The following CNTN2 variants were observed in gnomAD, a reference collection of about 807,000 sequenced individuals.
CNTN2 encodes contactin 2.
Under a neutral mutation model 117.5 loss-of-function variants are expected in CNTN2, and 53 were observed. That is an observed-to-expected ratio of 0.45 (90% CI 0.36 to 0.57). CNTN2 has a LOEUF of 0.57. Among genes scored for constraint, CNTN2 ranks in the 20% least tolerant of loss-of-function variants. The pLI, the probability that CNTN2 is intolerant of heterozygous loss-of-function variation, is 0.00. For synonymous variants in CNTN2, 530 were observed against 561.7 expected, an observed-to-expected ratio of 0.94 and a Z score of 0.80; for missense variants, 1,106 against 1,404.3, an observed-to-expected ratio of 0.79 and a Z score of 3.39.
rs780376425 is a variant in CNTN2, at chr1:205,065,840, G to A, written c.1747G>A (p.Gly583Arg). 6.2e-7 allele frequency: 1 copy of A among 1,614,058 alleles called. No individual in the cohort carries two copies. Among genetic ancestry groups the A allele is most frequent in the Non-Finnish European group, 8.5e-7 (1 of 1,180,010 alleles). Residue 583 changes from glycine to arginine, a missense_variant, in exon 14 of 23, where the codon GGG becomes AGG. Gly to Arg is a moderately radical substitution (Grantham distance 125, BLOSUM62 -2). Coordinates refer to ENST00000331830, the MANE Select transcript of CNTN2 (RefSeq NM_005076.5). This position sits in a 1 kb window ranked among gnomAD's most constrained non-coding sequence, Gnocchi z 4.1. Reference sequence around the variant, plus strand: ...CCTGAACGCCCAGCTGCGCCATGGGGGGAAGTACACGTGCATGGCCCAGAC... The same window carrying A: ...CCTGAACGCCCAGCTGCGCCATGGGAGGAAGTACACGTGCATGGCCCAGAC... ...TILNAQLRHG[G>R]KYTCMAQTVV...
In CNTN2 at chr1:205,059,506, A is replaced by G; in HGVS notation, c.698-77A>G. ...CTGCCTAGACAGAGTTGGCTCTGAA[A>G]GGTGCTGAGATCCCATGCACGGGAG... On this transcript the variant is annotated intron_variant, in intron 6 of 22. Transcript: ENST00000331830. The surrounding 1 kb of genome is among the most constrained non-coding windows in gnomAD (Gnocchi z 5.6). 1.4e-6 allele frequency: 2 copies of G among 1,402,224 alleles called. No homozygotes were observed. Among genetic ancestry groups the G allele is most frequent in the South Asian group, 1.2e-5 (1 of 85,536 alleles). The allele number at this position is 1,402,224 out of a possible 1,614,324, so 86.9% of individuals were successfully genotyped here.
At position 205,073,600 on chromosome 1, in the gene CNTN2, A is replaced by C; in HGVS notation, c.3014-56A>C. On this transcript the variant is annotated intron_variant, in intron 22 of 22. Transcript: ENST00000331830. This position sits in a 1 kb window ranked among gnomAD's most constrained non-coding sequence, Gnocchi z 6.3. ...TTAGGAAAGGTCTCAATCTTGCCAC[A>C]AGGGTGGGGCTAGGGTAGTCCCAGG... 2 of 1,515,036 alleles carry C rather than the reference A, an allele frequency of 1.3e-6. No individual in the cohort carries two copies. Among genetic ancestry groups the C allele is most frequent in the Non-Finnish European group, 1.8e-6 (2 of 1,101,800 alleles). 93.8% of individuals were successfully genotyped at this position (1,515,036 alleles called of 1,614,324 possible). A position where few individuals can be genotyped will look rare whatever the true frequency, so the allele number is the denominator to read the frequency against.
At chr1:205,053,322 T>C in intron 2 of CNTN2, 67 bp downstream of exon 2, 1 of 1,343,826 alleles carries the variant, frequency 7.4e-7, no homozygotes, top group Non-Finnish European at 1.0e-6. Flanking sequence ...CTTGCTATGA[T>C]TTGGGTGACG....
In CNTN2 at chr1:205,058,463, C is replaced by CACATG; in HGVS notation, c.392-99_392-95dup. 6.5e-7 allele frequency: 1 copy of CACATG among 1,545,752 alleles called. No individual in the cohort carries two copies. Among genetic ancestry groups the CACATG allele is most frequent in the Non-Finnish European group, 8.9e-7 (1 of 1,129,212 alleles). ...CCCTCAAGCCGGGCCTTCCTGACCTCACATGACATGCCTTAGTGAACTGCT... is the reference window on the plus strand; with the variant it reads ...CCCTCAAGCCGGGCCTTCCTGACCTCACATGACATGACATGCCTTAGTGAACTGCT... On this transcript the variant is annotated intron_variant, in intron 4 of 22. Transcript: ENST00000331830. The surrounding 1 kb of genome is among the most constrained non-coding windows in gnomAD (Gnocchi z 4.3).
In CNTN2 at chr1:205,061,185, G is replaced by A. The variant is rs913811974; in HGVS notation, c.798-60G>A. ...TGAGAGTCTGGGTATGAGGAGCTGC[G>A]GGCACTGGAGGGGTAGGCCCAGCTC... is the stretch of plus-strand genomic sequence containing the variant. On this transcript the variant is annotated intron_variant, in intron 7 of 22. Transcript: ENST00000331830. The surrounding 1 kb of genome is among the most constrained non-coding windows in gnomAD (Gnocchi z 4.8). 2.7e-5 allele frequency: 41 copies of A among 1,526,272 alleles called. No individual in the cohort carries two copies. Among genetic ancestry groups the A allele is most frequent in the African/African-American group, 4.1e-5 (3 of 72,642 alleles). 94.5% of individuals were successfully genotyped at this position (1,526,272 alleles called of 1,614,324 possible).
chr1:205,059,767 T>C lies in CNTN2; in HGVS notation c.797+85T>C. ...GGGTGAGGGCAGGCAGAGTCAGGGC[T>C]CTTATCTTGGTGTCCCTCACAGGGT... On this transcript the variant is annotated intron_variant, in intron 7 of 22. Coordinates refer to ENST00000331830, the MANE Select transcript of CNTN2 (RefSeq NM_005076.5). The surrounding 1 kb of genome is among the most constrained non-coding windows in gnomAD (Gnocchi z 5.6). 2 of 1,139,460 alleles carry C rather than the reference T, an allele frequency of 1.8e-6. No individual in the cohort carries two copies. Among genetic ancestry groups the C allele is most frequent in the Non-Finnish European group, 2.6e-6 (2 of 755,058 alleles). The allele number at this position is 1,139,460 out of a possible 1,614,324, so 70.6% of individuals were successfully genotyped here. A position where few individuals can be genotyped will look rare whatever the true frequency, so the allele number is the denominator to read the frequency against.
At position 205,059,456 on chromosome 1, in the gene CNTN2, C is replaced by G; in HGVS notation, c.698-127C>G. ...GCTTCAAATCCTGAGGCCCTTGCCC[C>G]AGGCCTCAAGGAGATTCCACACAGC... On this transcript the variant is annotated intron_variant, in intron 6 of 22. Transcript: ENST00000331830. The surrounding 1 kb of genome is among the most constrained non-coding windows in gnomAD (Gnocchi z 5.6). 1 of 1,193,978 alleles carries G rather than the reference C, an allele frequency of 8.4e-7. No individual in the cohort carries two copies. Among genetic ancestry groups the G allele is most frequent in the Non-Finnish European group, 1.2e-6 (1 of 818,212 alleles). 74.0% of individuals were successfully genotyped at this position (1,193,978 alleles called of 1,614,324 possible).
In CNTN2 at chr1:205,073,255, C is replaced by G. The variant is rs1171662666; in HGVS notation, c.3013+19C>G. ...AATGGAGGTGCTGCTCCTCCCCTAC[C>G]CTTATCCCCTCGAGAGATTCAGGAT... is the stretch of plus-strand genomic sequence containing the variant. On this transcript the variant is annotated intron_variant, in intron 22 of 22. Transcript: ENST00000331830. This position sits in a 1 kb window ranked among gnomAD's most constrained non-coding sequence, Gnocchi z 6.3. 1 of 1,612,020 alleles carries G rather than the reference C, an allele frequency of 6.2e-7. No individual in the cohort carries two copies. Among genetic ancestry groups the G allele is most frequent in the Non-Finnish European group, 8.5e-7 (1 of 1,178,890 alleles).
At chr1:205,045,774 G>A (rs190524297) in intron 1 of CNTN2, among the ~76,000 whole-genome samples, 15 of 152,282 alleles carry the variant, frequency 9.9e-5, no homozygotes, top group Admixed American at 6.5e-4. Context: ...GACTGCAGGA[G>A]ACACTTCCTG....
In CNTN2 at chr1:205,059,151, G is replaced by C. The variant is rs2151190097; in HGVS notation, c.555G>C (p.Val185=). 2 of 1,614,198 alleles carry C rather than the reference G, an allele frequency of 1.2e-6. No individual in the cohort carries two copies. Among genetic ancestry groups the C allele is most frequent in the Non-Finnish European group, 1.7e-6 (2 of 1,180,040 alleles). ...NFIPTDGRHF[V]SQTTGNLYIA... Reference sequence around the variant, plus strand: ...TCCCGACGGACGGGCGTCACTTCGTGTCCCAGACCACAGGGAACCTGTACA... The same window carrying C: ...TCCCGACGGACGGGCGTCACTTCGTCTCCCAGACCACAGGGAACCTGTACA... The change falls in exon 6 of 23, where the codon GTG becomes GTC. Residue 185 remains valine, a synonymous_variant. Transcript: ENST00000331830. This position sits in a 1 kb window ranked among gnomAD's most constrained non-coding sequence, Gnocchi z 5.6.
chr1:205,070,433 G>T lies in CNTN2; in HGVS notation c.2439G>T (p.Arg813Ser). 1 of 1,612,272 alleles carries T rather than the reference G, an allele frequency of 6.2e-7. No homozygotes were observed. Among genetic ancestry groups the T allele is most frequent in the Non-Finnish European group, 8.5e-7 (1 of 1,178,754 alleles). The change falls in exon 19 of 23, where the codon AGG becomes AGT. Residue 813 changes from arginine (R) to serine (S), a missense_variant. Coordinates refer to ENST00000331830, the MANE Select transcript of CNTN2 (RefSeq NM_005076.5). Reference protein sequence around the residue: ...ALVYSAEEEPRVAPTKVWAKG... With the variant: ...ALVYSAEEEPSVAPTKVWAKG... ...TTCTGTATTGGTCCCCAGAGCCCAG[G>T]GTGGCCCCTACCAAGGTGTGGGCCA...
chr1:205,057,861 A>G (rs1653729494), intron 2 of CNTN2, 60 bp from the exon 3 acceptor site: 1 of 1,578,100 alleles, frequency 6.3e-7, no homozygotes, highest in Non-Finnish European at 8.6e-7. Context: ...GCACAGCCCA[A>G]GAGGCCAGGC....
At chr1:205,064,968 G>T in intron 12 of CNTN2, 119 bp from the exon 13 acceptor site, 2 of 1,280,722 alleles carry the variant, frequency 1.6e-6, no homozygotes, top group African/African-American at 1.5e-5. Context: ...GGGACCTGTG[G>T]GTCACACCAC....
intron 10 of CNTN2, among the ~76,000 whole-genome samples, chr1:205,063,919 G>C (rs1214760659): frequency 1.3e-5 from 2 of 152,110 alleles, no homozygotes; most frequent in Non-Finnish European, 2.9e-5. Flanking sequence ...AAAAAAAAAG[G>C]CTAGGTGATT....
In CNTN2 at chr1:205,065,956, C is replaced by T; in HGVS notation, c.1816+47C>T. The T allele has an allele frequency of 6.4e-7, 1 of 1,567,272 alleles. No homozygotes were observed. Among genetic ancestry groups the T allele is most frequent in the Non-Finnish European group, 8.7e-7 (1 of 1,155,978 alleles). On this transcript the variant is annotated intron_variant, in intron 14 of 22. Transcript: ENST00000331830. The surrounding 1 kb of genome is among the most constrained non-coding windows in gnomAD (Gnocchi z 4.1). ...CCCCTACCCCAACTCCCTTAAAACC[C>T]AGCTGGGCTGTTCTGACCTGCTCGC...
chr1:205,056,125 C>G (rs913000430), intron 2 of CNTN2, among the ~76,000 whole-genome samples: 2 of 152,014 alleles, frequency 1.3e-5, no homozygotes, highest in African/African-American at 4.8e-5. Flanking sequence ...GGTGAGTGGA[C>G]AGCTGAGAGC....
Position 205,069,967 on chromosome 1 carries a change from G to C in CNTN2, c.2337G>C (p.Arg779=). 6.2e-7 allele frequency: 1 copy of C among 1,613,690 alleles called. No individual in the cohort carries two copies. Among genetic ancestry groups the C allele is most frequent in the South Asian group, 1.1e-5 (1 of 91,082 alleles). Residue 779 remains arginine (R), a synonymous_variant, in exon 18 of 23, where the codon CGG becomes CGC. Transcript: ENST00000331830. ...QYFVYSNESV[R]PYTPFEVKIR... ...TTGTCTACAGCAACGAGAGCGTCCG[G>C]CCCTACACGCCCTTTGAGGTCAAGA...
intron 1 of CNTN2, among the ~76,000 whole-genome samples, chr1:205,046,359 C>T (rs1470770374): frequency 3.3e-5 from 5 of 152,204 alleles, no homozygotes; most frequent in Admixed American, 3.3e-4. Context: ...GGGAAGTCAA[C>T]CCCAGCCCCT....
In CNTN2 at chr1:205,064,717, A is replaced by G. The variant is rs1321321527; in HGVS notation, c.1486A>G (p.Lys496Glu). Reference sequence around the variant, plus strand: ...CTGCTTTGCTGAGAACTTCATGGGCAAAGCCAACAGCACTGGAATCCTATC... The same window carrying G: ...CTGCTTTGCTGAGAACTTCATGGGCGAAGCCAACAGCACTGGAATCCTATC... ...YTCFAENFMG[K>E]ANSTGILSVR... The change falls in exon 12 of 23, where the codon AAA (lysine) becomes GAA (glutamate). Residue 496 changes from lysine to glutamate, a missense_variant. Transcript: ENST00000331830. The G allele has an allele frequency of 1.2e-6, 2 of 1,614,170 alleles. No individual in the cohort carries two copies. The highest frequency in any genetic ancestry group is 1.7e-6 in the Non-Finnish European group (2 of 1,180,026).
Sources: gnomAD v4.1 joint callset for allele counts (sites outside exome capture counted in the v4.1 genomes callset) on GRCh38, gnomAD v4.1.1 for gene constraint, Gnocchi (gnomAD v3.1) non-coding constraint, MANE v1.5 for transcripts, NCBI Gene and HGNC (gene_info 2026-07-23, HGNC 2026-07-21) for gene names.